LPIN1: variants seen among roughly 807,000 people sequenced by gnomAD.
The protein encoded by LPIN1 is phosphatidate phosphatase LPIN1.
A neutral mutation model predicts 107.5 loss-of-function variants in LPIN1; 71 were observed. That is an observed-to-expected ratio of 0.66 (90% CI 0.55 to 0.80). The LOEUF (loss-of-function observed/expected upper bound fraction) is 0.80, where lower values mean the gene tolerates loss of function less well. Ranked by LOEUF, LPIN1 falls within the 30% of genes least tolerant of loss-of-function variation. LPIN1 has a pLI of 0.00. For synonymous variants in LPIN1, 445 were observed against 452.6 expected, an observed-to-expected ratio of 0.98 and a Z score of 0.21; for missense variants, 1,043 against 1,160.6, an observed-to-expected ratio of 0.90 and a Z score of 1.47.
intron 17 of LPIN1, 87 bp downstream of exon 17, chr2:11,805,243 C>T (rs1211642497): frequency 1.4e-5 from 15 of 1,075,660 alleles, no homozygotes; most frequent in African/African-American, 3.1e-5. Flanking sequence ...TGTCCCAGCA[C>T]GGGGTGACTT....
chr2:11,739,580 T>C (rs1180628604), intron 1 of LPIN1, among the ~76,000 whole-genome samples: 5 of 152,190 alleles, frequency 3.3e-5, no homozygotes, highest in African/African-American at 9.7e-5. Context: ...GCCGTAACAA[T>C]GTTGAACATC....
chr2:11,820,641 A>G (rs1017572186), intron 20 of LPIN1, 127 bp downstream of exon 20: 8 of 682,702 alleles, frequency 1.2e-5, no homozygotes, highest in African/African-American at 1.1e-4. Flanking sequence ...CTTATAATGA[A>G]AAAATGTATT....
At chr2:11,797,722 T>G (rs961696462) in intron 14 of LPIN1, among the ~76,000 whole-genome samples, 2 of 152,262 alleles carry the variant, frequency 1.3e-5, no homozygotes, top group Non-Finnish European at 1.5e-5. Context: ...GCTTTTGATT[T>G]TACTGGCTCA....
intron 1 of LPIN1, among the ~76,000 whole-genome samples, chr2:11,710,080 A>G (rs78832262): frequency 0.042 from 6,389 of 152,180 alleles, 459 homozygotes; most frequent in African/African-American, 0.14. Flanking sequence ...TACATTTTCC[A>G]TCTGACTCTC....
chr2:11,799,697 A>C (rs766293560), intron 14 of LPIN1, among the ~76,000 whole-genome samples: 21 of 151,856 alleles, frequency 1.4e-4, no homozygotes, highest in Non-Finnish European at 2.8e-4. Context: ...GCTGGGGCTT[A>C]TGTCTGGGTC....
At chr2:11,805,500 A>G in intron 17 of LPIN1, 1 of 391,320 alleles carries the variant, frequency 2.6e-6, no homozygotes, top group Non-Finnish European at 4.8e-6. Flanking sequence ...CTTATATGTT[A>G]TATATGCCAA....
At chr2:11,708,769 G>A (rs1162897851) in intron 1 of LPIN1, among the ~76,000 whole-genome samples, 1 of 152,148 alleles carries the variant, frequency 6.6e-6, no homozygotes, top group Admixed American at 6.5e-5. Context: ...CAGGGTTAGA[G>A]TTAGAACCCA....
At chr2:11,711,689 G>A (rs1161433898) in intron 1 of LPIN1, among the ~76,000 whole-genome samples, 3 of 152,136 alleles carry the variant, frequency 2.0e-5, no homozygotes, top group Non-Finnish European at 4.4e-5. Context: ...TCATGTGGTT[G>A]TGTTCAGAGC....
At chr2:11,794,121 A>G (rs1676256137) in intron 13 of LPIN1, among the ~76,000 whole-genome samples, 4 of 152,218 alleles carry the variant, frequency 2.6e-5, no homozygotes, top group Admixed American at 2.0e-4. Context: ...TCTGAGGTCT[A>G]CTCATCAGTT....
chr2:11,816,949 A>T lies in LPIN1; in HGVS notation c.2402+1709A>T, dbSNP rs548543129. 4.1e-4 allele frequency: 59 copies of T among 144,494 alleles called. 2 individuals are homozygous for T. Among genetic ancestry groups the T allele is most frequent in the African/African-American group, 1.3e-3 (51 of 39,334 alleles). The allele number at this position is 144,494 out of a possible 1,614,324, so 9.0% of individuals were successfully genotyped here. A position where few individuals can be genotyped will look rare whatever the true frequency, so the allele number is the denominator to read the frequency against. ...ACCCCCTGACTGGCCCTGGTGTGTG[A>T]TGTTCCCCTCCCTGTGTCCATGTGT... is the stretch of plus-strand genomic sequence containing the variant. On this transcript the variant is annotated intron_variant, in intron 18 of 20. Coordinates refer to ENST00000674199, the MANE Select transcript of LPIN1 (RefSeq NM_001349206.2).
intron 10 of LPIN1, among the ~76,000 whole-genome samples, chr2:11,785,700 G>T (rs766705610): frequency 6.6e-6 from 1 of 151,972 alleles, no homozygotes; most frequent in Non-Finnish European, 1.5e-5. Flanking sequence ...GGTATTTCTA[G>T]CAGGGAAGGG....
At chr2:11,692,370 G>A (rs945733949) in intron 1 of LPIN1, among the ~76,000 whole-genome samples, 17 of 152,328 alleles carry the variant, frequency 1.1e-4, no homozygotes, top group African/African-American at 2.2e-4. Context: ...CTTGGGTGGC[G>A]TCATCTATAA....
At chr2:11,790,172 C>T (rs1377351521) in intron 12 of LPIN1, among the ~76,000 whole-genome samples, 1 of 152,164 alleles carries the variant, frequency 6.6e-6, no homozygotes, top group Admixed American at 6.5e-5. Flanking sequence ...TATTAGGAAG[C>T]AAACCAGTTT....
At chr2:11,811,169 G>A (rs974798466) in intron 17 of LPIN1, among the ~76,000 whole-genome samples, 4 of 152,176 alleles carry the variant, frequency 2.6e-5, no homozygotes, top group Non-Finnish European at 5.9e-5. Context: ...CCCAAGCCCC[G>A]TGTGCAGCCT....
At chr2:11,759,863 C>T (rs1176351343) in intron 1 of LPIN1, among the ~76,000 whole-genome samples, 1 of 73,346 alleles carries the variant, frequency 1.4e-5, no homozygotes, top group Admixed American at 1.2e-4. Flanking sequence ...GCGGGGGCTG[C>T]CCCCCACCTC....
At chr2:11,743,717 C>A (rs1362558420), upstream of LPIN1, among the ~76,000 whole-genome samples, 4 of 152,296 alleles carry the variant, frequency 2.6e-5, no homozygotes, top group African/African-American at 9.6e-5. The surrounding 1 kb of genome is among the most constrained non-coding windows in gnomAD (Gnocchi z 4.7). Context: ...TCTGCCCGGG[C>A]AGTTACAGAG....
chr2:11,777,032 A>C (rs1672778765), intron 6 of LPIN1, among the ~76,000 whole-genome samples: 1 of 152,274 alleles, frequency 6.6e-6, no homozygotes, highest in Non-Finnish European at 1.5e-5. Flanking sequence ...TGGCAAAAAT[A>C]CTGAAAACTT....
chr2:11,685,336 T>G (rs1453913277), intron 1 of LPIN1, among the ~76,000 whole-genome samples: 1 of 152,078 alleles, frequency 6.6e-6, no homozygotes, highest in Non-Finnish European at 1.5e-5. Context: ...CATGGAGGCA[T>G]TGGCCTCGAC....
In LPIN1 at chr2:11,802,902, T is replaced by A. The variant is rs1422259632; in HGVS notation, c.1887-5T>A. ...AATTGGTGATGACATCACTGTGTGT[T>A]CCAGGGTAAAGCATGAATCATCCTC... On this transcript the variant is annotated splice_polypyrimidine_tract_variant and splice_region_variant and intron_variant, in intron 14 of 20. Coordinates refer to ENST00000674199, the MANE Select transcript of LPIN1 (RefSeq NM_001349206.2). 1.2e-6 allele frequency: 2 copies of A among 1,612,788 alleles called. No individual in the cohort carries two copies. Among genetic ancestry groups the A allele is most frequent in the Non-Finnish European group, 1.7e-6 (2 of 1,180,010 alleles).
Sources: allele counts gnomAD v4.1 joint callset (sites outside exome capture counted in the v4.1 genomes callset), GRCh38; gene constraint gnomAD v4.1.1; non-coding constraint Gnocchi (gnomAD v3.1); transcripts MANE v1.5; gene names NCBI Gene and HGNC (gene_info 2026-07-23, HGNC 2026-07-21).